LCTL: variants seen among roughly 807,000 people sequenced by gnomAD.
LCTL encodes lactase like, also known as lactase-like protein.
Under a neutral mutation model 75.8 loss-of-function variants are expected in LCTL, and 76 were observed. The ratio of observed to expected loss-of-function variants is 1.00; its 90% confidence interval spans 0.83 to 1.21. LCTL has a LOEUF of 1.21. Among genes scored for constraint, LCTL ranks in the 50% most tolerant of loss-of-function variants. The pLI is 0.00. For missense variants in LCTL, 670 were observed against 712.4 expected (o/e 0.94, Z 0.68); for synonymous variants, 271 against 268.8 (o/e 1.01, Z -0.08).
At chr15:66,557,643 T>A in intron 8 of LCTL, 79 bp downstream of exon 9, 1 of 1,444,320 alleles carries the variant, frequency 6.9e-7, no homozygotes, top group Non-Finnish European at 9.6e-7. Context: ...GAGCTCTTCA[T>A]CCCCCTGCCT....
chr15:66,548,714 T>A (rs1437535724), intron 12 of LCTL, 109 bp from the exon 14 acceptor site: 10 of 490,748 alleles, frequency 2.0e-5, no homozygotes, highest in Non-Finnish European at 3.7e-5. Context: ...AAAAATAGCA[T>A]CCTCAAATTT....
chr15:66,548,507 G>T, exon 13 of LCTL: 1 of 1,602,310 alleles, frequency 6.2e-7, no homozygotes, highest in Non-Finnish European at 8.5e-7. Context: ...TGCCTCCTCA[G>T]GAGGAGCATT....
At chr15:66,560,134 A>C (rs1260084423) in intron 6 of LCTL, among the ~76,000 whole-genome samples, 4 of 152,140 alleles carry the variant, frequency 2.6e-5, no homozygotes, top group African/African-American at 7.2e-5. Flanking sequence ...TTCACAGTTT[A>C]AGAAATCATA....
chr15:66,562,264 G>T (rs554499659), intron 4 of LCTL, among the ~76,000 whole-genome samples: 2 of 151,996 alleles, frequency 1.3e-5, no homozygotes, highest in Admixed American at 6.6e-5. Flanking sequence ...TTAGCCGGGC[G>T]TGGTGGCACA....
At chr15:66,547,788 C>G (rs73474172) in exon 13 of LCTL, 2 of 152,082 alleles carry the variant, frequency 1.3e-5, no homozygotes, top group South Asian at 2.1e-4. Flanking sequence ...CTATAGATTT[C>G]TTTTCTTTTC....
At chr15:66,556,283 T>C (rs1024753511) in intron 8 of LCTL, among the ~76,000 whole-genome samples, 1 of 152,032 alleles carries the variant, frequency 6.6e-6, no homozygotes, top group Non-Finnish European at 1.5e-5. Flanking sequence ...ATAAGCATAA[T>C]ATGATATATA....
At chr15:66,553,132 G>C (rs201241428) in exon 9 of LCTL, 6 of 1,611,940 alleles carry the variant, frequency 3.7e-6, no homozygotes, top group Non-Finnish European at 5.1e-6. Context: ...GTTCCTTTCC[G>C]TGATGTACCG....
At chr15:66,563,676 C>G in intron 3 of LCTL, 51 bp from the exon 5 acceptor site, 1 of 1,388,092 alleles carries the variant, frequency 7.2e-7, no homozygotes, top group Middle Eastern at 2.4e-4. Context: ...CGGCCTTGGC[C>G]TTGGCCTTCT....
At chr15:66,564,645 G>T (rs77223596) in intron 2 of LCTL, 31 bp downstream of exon 3, 1 of 1,577,608 alleles carries the variant, frequency 6.3e-7, no homozygotes, top group African/African-American at 1.4e-5. Context: ...GCACGCGCGC[G>T]CACACACACA....
chr15:66,557,596 T>G, intron 8 of LCTL, 126 bp downstream of exon 9: 1 of 874,988 alleles, frequency 1.1e-6, no homozygotes, highest in Non-Finnish European at 1.8e-6. Context: ...TTCTTTTGAG[T>G]CTGGATTATC....
At chr15:66,551,564 G>A (rs1595931345) in intron 11 of LCTL, 98 bp downstream of exon 12, 1 of 932,860 alleles carries the variant, frequency 1.1e-6, no homozygotes, top group East Asian at 2.4e-5. Context: ...CCTCTTTCAT[G>A]GAGGAAAGAG....
intron 12 of LCTL, 29 bp from the exon 14 acceptor site, chr15:66,548,634 A>G: frequency 1.8e-6 from 2 of 1,128,330 alleles, no homozygotes; most frequent in Non-Finnish European, 2.7e-6. Flanking sequence ...CGAGCACCAC[A>G]AATGAGAACA....
rs369953621 is a variant in LCTL, at chr15:66,562,969, CT to C, written c.480+546del. On this transcript the variant is annotated intron_variant, in intron 4 of 12. Coordinates refer to ENST00000341509, the Ensembl canonical transcript of LCTL. ...TTTTTAGAAAACAAAAGGATTCACTCTTTTCACTTACTACACACATCAATTA... is the reference window on the plus strand; with the variant it reads ...TTTTTAGAAAACAAAAGGATTCACTCTTTCACTTACTACACACATCAATTA... Among the ~76,000 whole-genome samples the C allele has an allele frequency of 4.9e-4, 75 of 152,330 alleles. 1 individual carries two copies. The East Asian group carries it at 0.013, about 27-fold the overall frequency.
At chr15:66,563,787 C>G (rs1322798974) in intron 3 of LCTL, 124 bp downstream of exon 4, 1 of 878,496 alleles carries the variant, frequency 1.1e-6, no homozygotes, top group East Asian at 2.6e-5. Context: ...CCTGTGAGAG[C>G]TGCTACCGTC....
upstream of LCTL, chr15:66,565,714 AC>A: frequency 4.4e-6 from 1 of 224,954 alleles, no homozygotes; most frequent in South Asian, 9.5e-5. Flanking sequence ...AGGTGGGAAA[AC>A]CCACAGGGCC....
upstream of LCTL, chr15:66,565,625 A>C: frequency 2.2e-6 from 1 of 462,954 alleles, no homozygotes; most frequent in Non-Finnish European, 3.8e-6. Flanking sequence ...GATGGGGGAG[A>C]CCCAGCCCAT....
At chr15:66,552,505 T>A (rs1895631813) in intron 9 of LCTL, among the ~76,000 whole-genome samples, 1 of 151,806 alleles carries the variant, frequency 6.6e-6, no homozygotes, top group Non-Finnish European at 1.5e-5. Context: ...AACCTGTCTC[T>A]ACTAAAAATA....
intron 6 of LCTL, among the ~76,000 whole-genome samples, chr15:66,558,978 G>A (rs1895814926): frequency 6.6e-6 from 1 of 151,820 alleles, no homozygotes; most frequent in African/African-American, 2.4e-5. Flanking sequence ...TTGCAGGCAT[G>A]AGCCACTGTG....
exon 6 of LCTL, chr15:66,561,052 T>G: frequency 6.2e-7 from 1 of 1,614,164 alleles, no homozygotes; most frequent in African/African-American, 1.3e-5. Flanking sequence ...GCCGCGGAGC[T>G]TCAGGCCCGG....
Sources: gnomAD v4.1 joint callset for allele counts (sites outside exome capture counted in the v4.1 genomes callset) on GRCh38, gnomAD v4.1.1 for gene constraint, MANE v1.5 for transcripts, NCBI Gene and HGNC (gene_info 2026-07-23, HGNC 2026-07-21) for gene names.